SPATS2L: variants seen among roughly 807,000 people sequenced by gnomAD.
SPATS2L encodes the protein SPATS2-like protein.
In SPATS2L, 30 loss-of-function variants were observed where a neutral mutation model predicts 59.6. The ratio of observed to expected loss-of-function variants is 0.50; its 90% CI spans 0.38 to 0.68. The LOEUF (loss-of-function observed/expected upper bound fraction) is 0.68. Ranked by LOEUF, SPATS2L falls within the 30% of genes least tolerant of loss-of-function variation. The probability of loss-of-function intolerance (pLI) is 0.00; values close to 1 mark genes in which losing one functional copy is unlikely to be tolerated. For missense variants in SPATS2L, 615 were observed against 700.0 expected (o/e 0.88, Z 1.37); for synonymous variants, 252 against 263.5 (o/e 0.96, Z 0.42).
At chr2:200,461,987 A>C (rs2086270616) in intron 9 of SPATS2L, among the ~76,000 whole-genome samples, 1 of 151,662 alleles carries the variant, frequency 6.6e-6, no homozygotes, top group South Asian at 2.1e-4. Context: ...TGGACTATTT[A>C]GGTAGTTAAA....
At chr2:200,459,286 A>G (rs2086072688) in intron 8 of SPATS2L, among the ~76,000 whole-genome samples, 1 of 152,196 alleles carries the variant, frequency 6.6e-6, no homozygotes, top group Non-Finnish European at 1.5e-5. Context: ...ATTGGCCCAG[A>G]CCATATTTCT....
upstream of SPATS2L, chr2:200,306,619 G>T (rs928606905): frequency 2.0e-6 from 2 of 994,616 alleles, no homozygotes; most frequent in Non-Finnish European, 1.2e-6. Context: ...ACACCGAGGG[G>T]AAGGCGGGCG....
At chr2:200,362,007 A>G (rs1276873349) in intron 2 of SPATS2L, among the ~76,000 whole-genome samples, 1 of 152,124 alleles carries the variant, frequency 6.6e-6, no homozygotes, top group Non-Finnish European at 1.5e-5. Flanking sequence ...TCGGGAGGCC[A>G]AGGCAGGAAG....
At chr2:200,418,390 T>C (rs2083155619) in intron 5 of SPATS2L, among the ~76,000 whole-genome samples, 3 of 152,016 alleles carry the variant, frequency 2.0e-5, no homozygotes, top group South Asian at 2.1e-4. Flanking sequence ...TTGAGCAACA[T>C]AGGGAGACCC....
chr2:200,376,623 G>T (rs1222480375), intron 2 of SPATS2L, among the ~76,000 whole-genome samples: 2 of 152,246 alleles, frequency 1.3e-5, no homozygotes, highest in Non-Finnish European at 2.9e-5. Flanking sequence ...GAGCACATCT[G>T]ATAGCTACAA....
At chr2:200,339,731 A>G (rs537836839) in intron 2 of SPATS2L, among the ~76,000 whole-genome samples, 2 of 152,338 alleles carry the variant, frequency 1.3e-5, no homozygotes, top group Admixed American at 1.3e-4. Context: ...TGTTGGGGCA[A>G]GCAAAAAAAC....
At position 200,385,270 on chromosome 2, in the gene SPATS2L, C is replaced by G. The variant is rs56836045; in HGVS notation, c.-22-3953C>G. 5.3e-5 allele frequency among the ~76,000 whole-genome samples: 8 copies of G among 152,320 alleles called. No homozygotes were observed. In the East Asian group the frequency reaches 1.5e-3, roughly 29 times the overall value. On this transcript the variant is annotated intron_variant, in intron 2 of 12. Coordinates refer to ENST00000409140, the MANE Select transcript of SPATS2L (RefSeq NM_001100423.2). Reference sequence around the variant, plus strand: ...AGCATTAGAGGCTTCTTGGGCTTACCTAGAAGTCTGCACCTTAGAGGGCTG... The same window carrying G: ...AGCATTAGAGGCTTCTTGGGCTTACGTAGAAGTCTGCACCTTAGAGGGCTG...
intron 2 of SPATS2L, among the ~76,000 whole-genome samples, chr2:200,381,624 A>G (rs915808383): frequency 6.6e-6 from 1 of 152,222 alleles, no homozygotes; most frequent in African/African-American, 2.4e-5. Context: ...CATGCCTTCA[A>G]CTAAGTAGAA....
At chr2:200,315,856 CAA>C (rs374718905) in intron 1 of SPATS2L, among the ~76,000 whole-genome samples, 10 of 90,926 alleles carry the variant, frequency 1.1e-4, no homozygotes, top group Non-Finnish European at 1.6e-4. Flanking sequence ...ACCAAAAATC[CAA>C]AAAAAAAAAA....
chr2:200,317,048 A>T (rs997834365), intron 1 of SPATS2L, among the ~76,000 whole-genome samples: 5 of 152,152 alleles, frequency 3.3e-5, no homozygotes, highest in African/African-American at 1.2e-4. Context: ...GGTTGGTCTT[A>T]TGTGTGTATG....
At chr2:200,401,222 C>A (rs976447741) in intron 3 of SPATS2L, among the ~76,000 whole-genome samples, 1 of 152,092 alleles carries the variant, frequency 6.6e-6, no homozygotes, top group African/African-American at 2.4e-5. Flanking sequence ...TCAGACACAC[C>A]CCATCTGCAG....
intron 1 of SPATS2L, among the ~76,000 whole-genome samples, chr2:200,322,328 A>C (rs779791839): frequency 6.6e-6 from 1 of 152,220 alleles, no homozygotes; most frequent in South Asian, 2.1e-4. Context: ...GGTATTTCAC[A>C]TAAGTCAGTT....
intron 8 of SPATS2L, among the ~76,000 whole-genome samples, chr2:200,456,835 CTATT>C (rs1302786396): frequency 5.3e-5 from 8 of 152,262 alleles, no homozygotes; most frequent in Admixed American, 6.5e-5. Context: ...CCCAGGGACT[CTATT>C]TATAAAGCCT....
intron 8 of SPATS2L, among the ~76,000 whole-genome samples, chr2:200,454,279 C>G (rs937792633): frequency 3.3e-5 from 5 of 152,184 alleles, no homozygotes; most frequent in African/African-American, 9.7e-5. Context: ...GTTCTGCTCT[C>G]CAGCTTATCA....
chr2:200,328,650 G>A (rs3769472), intron 1 of SPATS2L, among the ~76,000 whole-genome samples: 46,307 of 151,982 alleles, frequency 0.3, 7,761 homozygotes, highest in East Asian at 0.57. Context: ...TCTGAGTCTC[G>A]TAGGACCAGT....
chr2:200,338,276 C>T (rs767735380), intron 2 of SPATS2L, among the ~76,000 whole-genome samples: 14 of 152,166 alleles, frequency 9.2e-5, no homozygotes, highest in East Asian at 1.9e-4. Context: ...CCACCCACCT[C>T]GGCCTCCCAA....
chr2:200,463,004 G>A lies in SPATS2L; in HGVS notation c.847+3177G>A, dbSNP rs181075167. On this transcript the variant is annotated intron_variant, in intron 9 of 12. Transcript: ENST00000409140. ...GTAAAGATAAAATGAAAAAATACACGTCAGGCACTTAGCACAGAGCCTGAT... is the reference window on the plus strand; with the variant it reads ...GTAAAGATAAAATGAAAAAATACACATCAGGCACTTAGCACAGAGCCTGAT... Among the ~76,000 whole-genome samples the A allele has an allele frequency of 1.7e-4, 26 of 151,954 alleles. No individual in the cohort carries two copies. The East Asian group carries it at 3.9e-3, about 23-fold the overall frequency.
intron 8 of SPATS2L, 134 bp downstream of exon 8, chr2:200,440,918 C>G: frequency 1.1e-6 from 1 of 888,594 alleles, no homozygotes; most frequent in Middle Eastern, 2.3e-4. Context: ...TTTTGTTAAG[C>G]CCTGCAGGCA....
At chr2:200,410,759 G>A (rs537121495) in intron 3 of SPATS2L, among the ~76,000 whole-genome samples, 9 of 152,042 alleles carry the variant, frequency 5.9e-5, no homozygotes, top group Non-Finnish European at 1.2e-4. Flanking sequence ...GAATGTATAA[G>A]CATATATTTG....
Sources: allele counts gnomAD v4.1 joint callset (sites outside exome capture counted in the v4.1 genomes callset), GRCh38; gene constraint gnomAD v4.1.1; transcripts MANE v1.5; gene names NCBI Gene and HGNC (gene_info 2026-07-23, HGNC 2026-07-21).